Variants in UNC5D observed in about 807,000 individuals in gnomAD.
UNC5D encodes unc-5 netrin receptor D.
A neutral mutation model predicts 105.4 loss-of-function variants in UNC5D; 39 were observed. That is an observed-to-expected ratio of 0.37 (90% CI 0.29 to 0.48). UNC5D has a LOEUF of 0.48. Among genes scored for constraint, UNC5D ranks in the 20% least tolerant of loss-of-function variants. The probability of loss-of-function intolerance (pLI) is 0.98; values close to 1 mark genes in which losing one functional copy is unlikely to be tolerated. For missense variants in UNC5D, 991 were observed against 1,202.4 expected, an observed-to-expected ratio of 0.82 and a Z score of 2.60; for synonymous variants, 452 against 450.4, an observed-to-expected ratio of 1.00 and a Z score of -0.04.
chr8:35,586,404 A>G (rs1325508359), intron 3 of UNC5D, among the ~76,000 whole-genome samples: 1 of 152,080 alleles, frequency 6.6e-6, no homozygotes, highest in Non-Finnish European at 1.5e-5. Context: ...CCTAACAGAA[A>G]GCCTTTTATG....
intron 1 of UNC5D, among the ~76,000 whole-genome samples, chr8:35,422,514 A>G (rs1805985223): frequency 1.3e-5 from 2 of 152,214 alleles, no homozygotes; most frequent in Non-Finnish European, 2.9e-5. Context: ...AAGCAGGAGA[A>G]TTGCCTCTGC....
At chr8:35,701,252 A>G (rs922328114) in intron 7 of UNC5D, among the ~76,000 whole-genome samples, 1 of 152,206 alleles carries the variant, frequency 6.6e-6, no homozygotes, top group African/African-American at 2.4e-5. Flanking sequence ...GGTATCAAAC[A>G]TATCTATGCA....
In UNC5D at chr8:35,286,010, T is replaced by C. The variant is rs117153282; in HGVS notation, c.103+50123T>C. ...TCATTTTTTAGGGAAAAATAAAATA[T>C]AGTAACGATTTATGAGGCCCCAAAG... On this transcript the variant is annotated intron_variant, in intron 1 of 16. Transcript: ENST00000404895. Among the ~76,000 whole-genome samples, 384 of 152,252 alleles carry C rather than the reference T, an allele frequency of 2.5e-3. 9 individuals carry two copies. In the East Asian group the frequency reaches 0.034, roughly 14 times the overall value.
chr8:35,363,305 AGAG>A (rs1563345730), intron 1 of UNC5D, among the ~76,000 whole-genome samples: 1 of 152,128 alleles, frequency 6.6e-6, no homozygotes, highest in African/African-American at 2.4e-5. Flanking sequence ...CAGAGAATGA[AGAG>A]GACGAAAAAG....
At chr8:35,521,350 C>A (rs1813463081) in intron 1 of UNC5D, among the ~76,000 whole-genome samples, 1 of 151,898 alleles carries the variant, frequency 6.6e-6, no homozygotes. Context: ...TTAAATGGCT[C>A]CCAGTACTAA....
chr8:35,477,747 T>C (rs995711315), intron 1 of UNC5D, among the ~76,000 whole-genome samples: 1 of 152,268 alleles, frequency 6.6e-6, no homozygotes, highest in Admixed American at 6.5e-5. Context: ...AAATAGCCAC[T>C]AGTTAACACT....
At chr8:35,558,126 CAAAAA>C (rs34368244) in intron 2 of UNC5D, among the ~76,000 whole-genome samples, 1 of 84,206 alleles carries the variant, frequency 1.2e-5, no homozygotes. Context: ...AACTTCGTCT[CAAAAA>C]AAAAAAAAAA....
At chr8:35,245,500 G>A (rs1043061948) in intron 1 of UNC5D, among the ~76,000 whole-genome samples, 1 of 152,106 alleles carries the variant, frequency 6.6e-6, no homozygotes, top group Non-Finnish European at 1.5e-5. Context: ...CTTAAAAAAA[G>A]CAATCAGGAT....
At chr8:35,385,030 G>T (rs1041380143) in intron 1 of UNC5D, among the ~76,000 whole-genome samples, 1 of 152,244 alleles carries the variant, frequency 6.6e-6, no homozygotes, top group African/African-American at 2.4e-5. Context: ...GCTATTTTGA[G>T]AATGCCAGTG....
intron 1 of UNC5D, among the ~76,000 whole-genome samples, chr8:35,387,142 C>G (rs1256248683): frequency 1.3e-5 from 2 of 151,716 alleles, no homozygotes; most frequent in Non-Finnish European, 2.9e-5. Flanking sequence ...GGGCAGATCA[C>G]GAGGTCAGGA....
In UNC5D at chr8:35,795,937, G is replaced by T. The variant is rs1161911208; in HGVS notation, c.*5374G>T. ...TAAAGGAAAACTGGCTCATTCTTCT[G>T]ACCCAAACTCAAAAAATATGAGTAC... On this transcript the variant is annotated 3_prime_UTR_variant, in exon 17 of 17. Transcript: ENST00000404895. 2.0e-5 allele frequency: 3 copies of T among 152,084 alleles called. No homozygotes were observed. The highest frequency in any genetic ancestry group is 4.4e-5 in the Non-Finnish European group (3 of 68,028). 9.4% of individuals were successfully genotyped at this position (152,084 alleles called of 1,614,324 possible).
chr8:35,364,289 T>C (rs1270455797), intron 1 of UNC5D, among the ~76,000 whole-genome samples: 8 of 152,220 alleles, frequency 5.3e-5, no homozygotes, highest in Non-Finnish European at 8.8e-5. Context: ...CATGAGCTCA[T>C]GGATTATTAT....
At chr8:35,587,993 T>TATATATATATAC (rs1376973554) in intron 3 of UNC5D, among the ~76,000 whole-genome samples, 5 of 141,202 alleles carry the variant, frequency 3.5e-5, no homozygotes, top group African/African-American at 1.3e-4. Context: ...TATATATATA[T>TATATATATATAC]ACTAATCCCA....
intron 1 of UNC5D, among the ~76,000 whole-genome samples, chr8:35,401,184 C>T (rs1018658553): frequency 5.3e-5 from 8 of 152,158 alleles, no homozygotes; most frequent in South Asian, 4.2e-4. Flanking sequence ...GGTCCAGGTG[C>T]GGTGGCTCAA....
chr8:35,723,526 G>A (rs539932121), intron 9 of UNC5D, among the ~76,000 whole-genome samples: 1 of 151,808 alleles, frequency 6.6e-6, no homozygotes, highest in Non-Finnish European at 1.5e-5. Context: ...CACCTCAGCA[G>A]CTGGGACTAC....
chr8:35,348,648 T>A (rs1181823978), intron 1 of UNC5D, among the ~76,000 whole-genome samples: 1 of 151,862 alleles, frequency 6.6e-6, no homozygotes, highest in Admixed American at 6.6e-5. Context: ...AAAATTCTGA[T>A]AATTCCCAAA....
chr8:35,435,276 T>A (rs898815955), intron 1 of UNC5D, among the ~76,000 whole-genome samples: 2 of 152,116 alleles, frequency 1.3e-5, no homozygotes, highest in African/African-American at 4.8e-5. Context: ...CACATCCTAA[T>A]GTAGACATTA....
rs1218992245 is a variant in UNC5D, at chr8:35,774,409, T to C, written c.2589T>C (p.Ala863=). Reference sequence around the variant, plus strand: ...ACTCCATCAGACAGCGGATTTGTGCTACATTTGATACCCCCAATGCCAAAG... The same window carrying C: ...ACTCCATCAGACAGCGGATTTGTGCCACATTTGATACCCCCAATGCCAAAG... ...IPYSIRQRIC[A]TFDTPNAKGK... is the part of the protein sequence containing the mutation. The change falls in exon 16 of 17, where the codon GCT becomes GCC. Residue 863 remains alanine (A), a synonymous_variant. Coordinates refer to ENST00000404895, the MANE Select transcript of UNC5D (RefSeq NM_080872.4). The C allele has an allele frequency of 1.2e-6, 2 of 1,614,014 alleles. No individual in the cohort carries two copies. Among genetic ancestry groups the C allele is most frequent in the Non-Finnish European group, 1.7e-6 (2 of 1,180,022 alleles).
At chr8:35,406,410 TTCTCAGTG>T (rs1157385613) in intron 1 of UNC5D, among the ~76,000 whole-genome samples, 5 of 152,226 alleles carry the variant, frequency 3.3e-5, no homozygotes, top group African/African-American at 1.2e-4. Context: ...CTCACCGTGT[TTCTCAGTG>T]ATAGCAAATA....
Sources: gnomAD v4.1 joint callset for allele counts (sites outside exome capture counted in the v4.1 genomes callset) on GRCh38, gnomAD v4.1.1 for gene constraint, MANE v1.5 for transcripts, NCBI Gene and HGNC (gene_info 2026-07-23, HGNC 2026-07-21) for gene names.